The following MACROD2 variants were observed in gnomAD, a reference collection of about 807,000 sequenced individuals.
MACROD2 encodes the protein ADP-ribose glycohydrolase MACROD2.
A neutral mutation model predicts 70.4 loss-of-function variants in MACROD2; 36 were observed. The observed-to-expected ratio is 0.51, with a 90% CI of 0.39 to 0.68. The LOEUF is 0.68. Among genes scored for constraint, MACROD2 ranks in the 30% least tolerant of loss-of-function variants. The probability of loss-of-function intolerance (pLI) is 0.00; values close to 1 mark genes in which losing one functional copy is unlikely to be tolerated. For synonymous variants in MACROD2, 172 were observed against 178.8 expected (o/e 0.96, Z 0.30); for missense variants, 496 against 538.4 (o/e 0.92, Z 0.78).
At chr20:14,411,821 G>A (rs184556350) in intron 3 of MACROD2, among the ~76,000 whole-genome samples, 3 of 152,202 alleles carry the variant, frequency 2.0e-5, no homozygotes, top group Non-Finnish European at 4.4e-5. Flanking sequence ...CATAGACTGC[G>A]ATGAAAATAG....
At chr20:15,224,071 C>T (rs1436604987) in intron 5 of MACROD2, among the ~76,000 whole-genome samples, 2 of 152,152 alleles carry the variant, frequency 1.3e-5, no homozygotes, top group Non-Finnish European at 2.9e-5. Context: ...AGAAAGATGT[C>T]AGTCCAGCCT....
At chr20:15,982,919 C>A (rs74179796) in intron 13 of MACROD2, among the ~76,000 whole-genome samples, 26,477 of 152,184 alleles carry the variant, frequency 0.17, 3,233 homozygotes, top group African/African-American at 0.33. Flanking sequence ...TTGGAAACCT[C>A]GTCTAGTTGT....
chr20:14,001,337 CTCTAAT>C (rs1264538671), intron 1 of MACROD2, among the ~76,000 whole-genome samples: 1 of 152,102 alleles, frequency 6.6e-6, no homozygotes, highest in Non-Finnish European at 1.5e-5. Flanking sequence ...ATGACATCCA[CTCTAAT>C]TCTAAGATGC....
intron 8 of MACROD2, among the ~76,000 whole-genome samples, chr20:15,648,864 A>T (rs1457557250): frequency 2.0e-5 from 3 of 152,152 alleles, no homozygotes; most frequent in African/African-American, 7.2e-5. Context: ...AACTTGTCTA[A>T]ATTTATCCTA....
At chr20:15,623,679 C>CCTATCTATCTGT (rs1555850036) in intron 8 of MACROD2, among the ~76,000 whole-genome samples, 40 of 148,140 alleles carry the variant, frequency 2.7e-4, no homozygotes, top group African/African-American at 9.8e-4. Flanking sequence ...AAGTTATCTG[C>CCTATCTATCTGT]CTATCTATCT....
At chr20:15,971,575 C>T (rs1331964711) in intron 13 of MACROD2, among the ~76,000 whole-genome samples, 2 of 152,112 alleles carry the variant, frequency 1.3e-5, no homozygotes, top group East Asian at 3.9e-4. Flanking sequence ...GGTATTTCTT[C>T]ATAGCAGCAT....
chr20:15,508,123 G>A (rs920897282), intron 8 of MACROD2, among the ~76,000 whole-genome samples: 2 of 152,176 alleles, frequency 1.3e-5, no homozygotes, highest in Non-Finnish European at 2.9e-5. Flanking sequence ...CCAACCTACA[G>A]TCCTATGTAG....
At chr20:14,257,022 A>G (rs2082061840) in intron 3 of MACROD2, among the ~76,000 whole-genome samples, 1 of 152,184 alleles carries the variant, frequency 6.6e-6, no homozygotes, top group Non-Finnish European at 1.5e-5. Flanking sequence ...TCTTAGTCCC[A>G]GCCTCTCATG....
intron 8 of MACROD2, among the ~76,000 whole-genome samples, chr20:15,640,480 G>A (rs575339282): frequency 1.3e-5 from 2 of 152,298 alleles, no homozygotes; most frequent in East Asian, 3.9e-4. Flanking sequence ...CTCCAGCCCT[G>A]TGCACATGTC....
At chr20:14,352,958 C>G (rs1354787651) in intron 3 of MACROD2, among the ~76,000 whole-genome samples, 2 of 152,122 alleles carry the variant, frequency 1.3e-5, no homozygotes, top group East Asian at 3.8e-4. Flanking sequence ...ATCCACTCAC[C>G]TCTTTCCTTA....
chr20:14,810,846 G>A (rs376984220), intron 5 of MACROD2, among the ~76,000 whole-genome samples: 6 of 152,010 alleles, frequency 3.9e-5, no homozygotes, highest in East Asian at 1.9e-4. Context: ...CAATTGCTAC[G>A]AAGAGAATAA....
chr20:14,240,676 C>T (rs2081920991), intron 3 of MACROD2, among the ~76,000 whole-genome samples: 1 of 152,056 alleles, frequency 6.6e-6, no homozygotes, highest in Non-Finnish European at 1.5e-5. Context: ...ACAAAAGATA[C>T]CCAGGCCTAC....
chr20:15,771,581 CTG>C (rs2051628291), intron 8 of MACROD2, among the ~76,000 whole-genome samples: 1 of 151,590 alleles, frequency 6.6e-6, no homozygotes, highest in Non-Finnish European at 1.5e-5. Context: ...TACTTTCTGT[CTG>C]TCTGTATACA....
At chr20:15,714,373 A>G (rs1386706952) in intron 8 of MACROD2, among the ~76,000 whole-genome samples, 2 of 152,222 alleles carry the variant, frequency 1.3e-5, no homozygotes, top group Admixed American at 6.5e-5. Context: ...CTGGTAAAGG[A>G]CATTTTAGCC....
At chr20:15,340,924 A>G (rs2078104328) in intron 6 of MACROD2, among the ~76,000 whole-genome samples, 1 of 152,158 alleles carries the variant, frequency 6.6e-6, no homozygotes, top group East Asian at 1.9e-4. Context: ...CCTGGGCTCA[A>G]GCAATCCTCC....
chr20:15,987,170 CTTAAA>C lies in MACROD2; in HGVS notation c.1153+17_1153+21del, dbSNP rs777396625. On this transcript the variant is annotated intron_variant, in intron 15 of 17. Coordinates refer to ENST00000684519, the MANE Select transcript of MACROD2 (RefSeq NM_001351661.2). ...AGAAGGTGAAAAAGGTAGGACTGCT[CTTAAA>C]TTAACCCATCAAGAATGGAGAGTTT... 4.4e-6 allele frequency: 7 copies of C among 1,584,952 alleles called. No individual in the cohort carries two copies. In the East Asian group the frequency reaches 1.6e-4, roughly 36 times the overall value.
chr20:15,201,465 A>C (rs2076655369), intron 5 of MACROD2, among the ~76,000 whole-genome samples: 1 of 152,222 alleles, frequency 6.6e-6, no homozygotes, highest in Admixed American at 6.5e-5. Context: ...CAAGTACATG[A>C]GACAATGATA....
At chr20:14,757,597 A>T in intron 5 of MACROD2, 1 of 1,125,538 alleles carries the variant, frequency 8.9e-7, no homozygotes, top group South Asian at 1.3e-5. Context: ...ATTGCCATTT[A>T]TGACTCCTTT....
At chr20:14,551,833 G>C (rs6042788) in intron 4 of MACROD2, among the ~76,000 whole-genome samples, 7,004 of 152,124 alleles carry the variant, frequency 0.046, 426 homozygotes, top group African/African-American at 0.13. Flanking sequence ...TTCCTGAGCT[G>C]TTATCCAGTT....
Sources: allele counts gnomAD v4.1 joint callset (sites outside exome capture counted in the v4.1 genomes callset), GRCh38; gene constraint gnomAD v4.1.1; transcripts MANE v1.5; gene names NCBI Gene and HGNC (gene_info 2026-07-23, HGNC 2026-07-21).